The following A2ML1 variants were observed in gnomAD, a reference collection of about 807,000 sequenced individuals.
A2ML1 encodes alpha-2-macroglobulin-like protein 1.
A2ML1 carries 161 observed loss-of-function variants against 181.9 expected under a neutral mutation model. The observed-to-expected ratio is 0.89, with a 90% CI of 0.78 to 1.01. The LOEUF is 1.01. Among genes scored for constraint, A2ML1 ranks in the 50% least tolerant of loss-of-function variants. The pLI is 0.00. For synonymous variants in A2ML1, 663 were observed against 666.8 expected, an observed-to-expected ratio of 0.99 and a Z score of 0.09; for missense variants, 1,670 against 1,768.1, an observed-to-expected ratio of 0.94 and a Z score of 1.00.
rs755499259 is a variant in A2ML1 at position 8,822,754 on chromosome 12, C to T, written c.62+41C>T. ...CAGAATTGGTTTATTAGGGCAGCGG[C>T]TTCTTCGCCTAACTTTCTCAAACAT... On this transcript the variant is annotated intron_variant, in intron 1 of 35. Transcript: ENST00000299698. 8.6e-5 allele frequency: 137 copies of T among 1,585,926 alleles called. 3 individuals carry two copies. The South Asian group carries it at 1.4e-3, about 17-fold the overall frequency.
At chr12:8,825,980 T>C (rs900090872) in intron 3 of A2ML1, among the ~76,000 whole-genome samples, 4 of 152,240 alleles carry the variant, frequency 2.6e-5, no homozygotes, top group Admixed American at 6.5e-5. Context: ...CATGCTGTTT[T>C]GGTTACTATA....
intron 28 of A2ML1, among the ~76,000 whole-genome samples, chr12:8,862,620 C>T (rs1281153162): frequency 1.3e-5 from 2 of 152,202 alleles, no homozygotes; most frequent in African/African-American, 2.4e-5. Context: ...GGCAGAAGTG[C>T]AGTCTCAGCC....
chr12:8,849,570 A>G lies in A2ML1; in HGVS notation c.2029-99A>G. The G allele has an allele frequency of 9.3e-6, 9 of 971,190 alleles. No homozygotes were observed. The South Asian group carries it at 1.3e-4, about 14-fold the overall frequency. 60.2% of individuals were successfully genotyped at this position (971,190 alleles called of 1,614,324 possible). A position where few individuals can be genotyped will look rare whatever the true frequency, so the allele number is the denominator to read the frequency against. On this transcript the variant is annotated intron_variant, in intron 16 of 35. Transcript: ENST00000299698. ...CAGGTTCACCATTAATTCAAAAAGA[A>G]TGTTTTGTTTCAACTCTTTGATGGT...
intron 3 of A2ML1, among the ~76,000 whole-genome samples, chr12:8,827,090 C>T (rs1488612390): frequency 6.6e-6 from 1 of 152,070 alleles, no homozygotes; most frequent in Non-Finnish European, 1.5e-5. Flanking sequence ...CTTGTAATCC[C>T]AGCACTTTGG....
At chr12:8,868,736 A>C (rs1289574589) in intron 32 of A2ML1, 109 bp downstream of exon 32, 9 of 602,050 alleles carry the variant, frequency 1.5e-5, no homozygotes, top group Non-Finnish European at 2.3e-5. Flanking sequence ...CACACACACA[A>C]GGCATGTATA....
chr12:8,871,951 G>A (rs1467613494), intron 33 of A2ML1, among the ~76,000 whole-genome samples: 2 of 151,984 alleles, frequency 1.3e-5, no homozygotes, highest in South Asian at 4.2e-4. Flanking sequence ...AGGCTGAGAC[G>A]GGCAGATCAT....
Position 8,855,505 on chromosome 12 carries a change from A to T in A2ML1, c.2765-4A>T. 6.2e-7 allele frequency: 1 copy of T among 1,613,710 alleles called. No individual in the cohort carries two copies. Among genetic ancestry groups the T allele is most frequent in the Admixed American group, 1.7e-5 (1 of 59,964 alleles). On this transcript the variant is annotated splice_polypyrimidine_tract_variant and splice_region_variant and intron_variant, in intron 22 of 35. Transcript: ENST00000299698. Reference sequence around the variant, plus strand: ...TGTGTCACCTTTTTTTCTGCATCTCACAGGAAAGGTGGCATCTGAATCTGT... The same window carrying T: ...TGTGTCACCTTTTTTTCTGCATCTCTCAGGAAAGGTGGCATCTGAATCTGT...
At chr12:8,837,300 G>A (rs768986436) in intron 7 of A2ML1, 140 bp from the exon 8 acceptor site, 10 of 1,121,528 alleles carry the variant, frequency 8.9e-6, no homozygotes, top group Admixed American at 4.3e-5. Context: ...GATTACAGGC[G>A]TGAGCCACTG....
At chr12:8,856,934 C>T (rs1441600144) in intron 23 of A2ML1, among the ~76,000 whole-genome samples, 6 of 129,524 alleles carry the variant, frequency 4.6e-5, no homozygotes, top group African/African-American at 1.7e-4. Context: ...TTAGTAGAGA[C>T]AGGGTTTGTC....
intron 3 of A2ML1, among the ~76,000 whole-genome samples, chr12:8,828,413 A>G (rs1405849587): frequency 2.6e-5 from 4 of 152,024 alleles, no homozygotes; most frequent in Non-Finnish European, 5.9e-5. Context: ...CTGCCTGGAT[A>G]CTTCCAGTAT....
chr12:8,861,166 T>C lies in A2ML1; in HGVS notation c.3371T>C (p.Leu1124Pro). 1 of 1,614,180 alleles carries C rather than the reference T, an allele frequency of 6.2e-7. No homozygotes were observed. Among genetic ancestry groups the C allele is most frequent in the Non-Finnish European group, 8.5e-7 (1 of 1,180,038 alleles). ...DPMVSQGLRC[L>P]KNSATSTTNL... ...ATGGTGAGTCAGGGTCTACGGTGTCTCAAGAATTCGGCCACCTCCACGACC... is the reference window on the plus strand; with the variant it reads ...ATGGTGAGTCAGGGTCTACGGTGTCCCAAGAATTCGGCCACCTCCACGACC... The change falls in exon 28 of 36, where the codon CTC becomes CCC. Residue 1124 changes from leucine (L) to proline (P), a missense_variant. Leu to Pro is a moderately conservative substitution (Grantham distance 98). Coordinates refer to ENST00000299698, the MANE Select transcript of A2ML1 (RefSeq NM_144670.6).
chr12:8,836,450 A>G, intron 7 of A2ML1, 111 bp downstream of exon 7: 1 of 633,446 alleles, frequency 1.6e-6, no homozygotes, highest in African/African-American at 1.9e-5. Context: ...GGGGCATTTT[A>G]TGTAATTCAG....
At chr12:8,870,105 A>G (rs896917415) in intron 33 of A2ML1, among the ~76,000 whole-genome samples, 6 of 152,174 alleles carry the variant, frequency 3.9e-5, no homozygotes, top group Admixed American at 3.3e-4. Context: ...AGTTATCCTT[A>G]TTGAATATAA....
chr12:8,844,701 G>GA (rs200769967), intron 12 of A2ML1, among the ~76,000 whole-genome samples: 159 of 141,336 alleles, frequency 1.1e-3, no homozygotes, highest in East Asian at 3.6e-3. Flanking sequence ...GTCGTTAAGT[G>GA]AAAAAAAAAA....
At chr12:8,849,783 G>C in intron 17 of A2ML1, 24 bp downstream of exon 17, 4 of 1,600,540 alleles carry the variant, frequency 2.5e-6, no homozygotes, top group Non-Finnish European at 2.6e-6. Context: ...GTGGTCTGTG[G>C]ATTCTCTGAG....
chr12:8,865,537 T>TCTCAACAACAACAA (rs1342469704), intron 29 of A2ML1, among the ~76,000 whole-genome samples: 1 of 152,178 alleles, frequency 6.6e-6, no homozygotes, highest in Non-Finnish European at 1.5e-5. Flanking sequence ...TAAAACTCCG[T>TCTCAACAACAACAA]CTCAACAACA....
chr12:8,857,965 A>G lies in A2ML1; in HGVS notation c.3127A>G (p.Lys1043Glu), dbSNP rs774071085. ...ATGTAGGCTGACAGCGTTTGTCACA[A>G]AATGCTTTGGCCAAGCTCAGAAATT... Reference protein sequence around the residue: ...GNTWLTAFVTKCFGQAQKFIF... With the variant: ...GNTWLTAFVTECFGQAQKFIF... Residue 1043 changes from lysine to glutamate, a missense_variant, in exon 26 of 36, where the codon AAA (lysine) becomes GAA (glutamate). Transcript: ENST00000299698. The G allele has an allele frequency of 4.3e-6, 7 of 1,614,010 alleles. No individual in the cohort carries two copies. The highest frequency in any genetic ancestry group is 1.1e-5 in the South Asian group (1 of 91,090).
At chr12:8,835,094 C>G (rs1274510620) in intron 5 of A2ML1, among the ~76,000 whole-genome samples, 1 of 152,224 alleles carries the variant, frequency 6.6e-6, no homozygotes, top group Non-Finnish European at 1.5e-5. Context: ...GATTTCTCCA[C>G]AATATCTTCT....
At chr12:8,823,089 A>C in intron 1 of A2ML1, 93 bp from the exon 2 acceptor site, 2 of 1,299,276 alleles carry the variant, frequency 1.5e-6, no homozygotes, top group Non-Finnish European at 2.1e-6. Flanking sequence ...GGTCTGTCTA[A>C]TTCACTGCTA....
Sources: allele counts gnomAD v4.1 joint callset (sites outside exome capture counted in the v4.1 genomes callset), GRCh38; gene constraint gnomAD v4.1.1; transcripts MANE v1.5; gene names NCBI Gene and HGNC (gene_info 2026-07-23, HGNC 2026-07-21).